The following TRHDE variants were observed in gnomAD, a reference collection of about 807,000 sequenced individuals.
TRHDE encodes the protein thyrotropin-releasing hormone-degrading ectoenzyme.
Under a neutral mutation model 125.7 loss-of-function variants are expected in TRHDE, and 72 were observed. The ratio of observed to expected loss-of-function variants is 0.57; its 90% CI spans 0.47 to 0.70. TRHDE has a LOEUF of 0.70. Ranked by LOEUF, TRHDE falls within the 30% of genes least tolerant of loss-of-function variation. TRHDE has a pLI of 0.00. For missense variants in TRHDE, 1,110 were observed against 1,327.1 expected (o/e 0.84, Z 2.54); for synonymous variants, 509 against 509.1 (o/e 1.00, Z 0.00).
chr12:72,543,337 T>C (rs1313896023), intron 7 of TRHDE, among the ~76,000 whole-genome samples: 2 of 151,464 alleles, frequency 1.3e-5, no homozygotes, highest in African/African-American at 2.4e-5. Flanking sequence ...AAATAAATTT[T>C]TTGAAGAATA....
At chr12:72,474,456 A>G (rs1336104424) in intron 5 of TRHDE, among the ~76,000 whole-genome samples, 1 of 152,118 alleles carries the variant, frequency 6.6e-6, no homozygotes, top group Non-Finnish European at 1.5e-5. Flanking sequence ...GCCTCTGGCA[A>G]CCACCATTTT....
At chr12:72,629,604 G>A (rs769708455) in intron 15 of TRHDE, among the ~76,000 whole-genome samples, 11 of 151,630 alleles carry the variant, frequency 7.3e-5, no homozygotes, top group Non-Finnish European at 1.2e-4. Flanking sequence ...ATAATAATAA[G>A]CATTATTATT....
chr12:72,462,634 G>A (rs1327010413), intron 3 of TRHDE, among the ~76,000 whole-genome samples: 1 of 152,132 alleles, frequency 6.6e-6, no homozygotes, highest in African/African-American at 2.4e-5. Flanking sequence ...GAACAGTTAA[G>A]ATTAAAACTG....
intron 12 of TRHDE, among the ~76,000 whole-genome samples, chr12:72,616,181 T>A (rs968885975): frequency 1.3e-5 from 2 of 152,176 alleles, no homozygotes; most frequent in African/African-American, 4.8e-5. Flanking sequence ...TTAGAACTTT[T>A]ATCAGGTTTG....
chr12:72,501,173 A>G (rs959612048), intron 6 of TRHDE, among the ~76,000 whole-genome samples: 1 of 151,922 alleles, frequency 6.6e-6, no homozygotes, highest in Non-Finnish European at 1.5e-5. Context: ...TTTCATTTCT[A>G]ATTTTTGTCT....
intron 5 of TRHDE, among the ~76,000 whole-genome samples, chr12:72,483,456 T>C (rs1328424360): frequency 6.6e-6 from 1 of 152,032 alleles, no homozygotes; most frequent in Non-Finnish European, 1.5e-5. Flanking sequence ...ATATTCTTAC[T>C]ATCATTTTTA....
At chr12:72,615,964 AG>A (rs944036426) in intron 12 of TRHDE, among the ~76,000 whole-genome samples, 13 of 152,256 alleles carry the variant, frequency 8.5e-5, no homozygotes, top group African/African-American at 3.1e-4. Flanking sequence ...CCAGGCAGAG[AG>A]GCACATTCAT....
chr12:72,382,822 C>T (rs531803461), intron 3 of TRHDE, among the ~76,000 whole-genome samples: 3 of 152,270 alleles, frequency 2.0e-5, no homozygotes, highest in Non-Finnish European at 4.4e-5. Context: ...TTCTTTCTCC[C>T]TGAATTCTTT....
chr12:72,504,305 A>AT (rs748855139), intron 6 of TRHDE, among the ~76,000 whole-genome samples: 2,571 of 141,612 alleles, frequency 0.018, 55 homozygotes, highest in African/African-American at 0.05. Flanking sequence ...CACTAAGAAA[A>AT]TTTTTTTTTT....
intron 12 of TRHDE, among the ~76,000 whole-genome samples, chr12:72,612,447 A>G (rs962842311): frequency 2.0e-5 from 3 of 152,188 alleles, no homozygotes; most frequent in Non-Finnish European, 4.4e-5. Context: ...CCTAATTCAG[A>G]GAGGTATTTT....
chr12:72,273,599 C>G lies in TRHDE; in HGVS notation c.914+42C>G. On this transcript the variant is annotated intron_variant, in intron 1 of 18. Coordinates refer to ENST00000261180, the MANE Select transcript of TRHDE (RefSeq NM_013381.3). The surrounding 1 kb of genome is among the most constrained non-coding windows in gnomAD (Gnocchi z 5.3). The stretch of plus-strand genomic sequence containing the variant: ...TGCCCCGCGCTGCCCCACCCCGGCG[C>G]GCGGCTCGAACCTCTGGGCGGCCTG... 1 of 1,534,848 alleles carries G rather than the reference C, an allele frequency of 6.5e-7. No homozygotes were observed. Among genetic ancestry groups the G allele is most frequent in the Non-Finnish European group, 8.8e-7 (1 of 1,140,178 alleles).
chr12:72,203,139 G>C (rs931393332), intron 2 of TRHDE, among the ~76,000 whole-genome samples: 2 of 152,172 alleles, frequency 1.3e-5, no homozygotes, highest in African/African-American at 4.8e-5. Context: ...AAGAGAAAGA[G>C]AGATAGAGAG....
chr12:72,128,111 A>G (rs1430991120), intron 2 of TRHDE, among the ~76,000 whole-genome samples: 1 of 152,170 alleles, frequency 6.6e-6, no homozygotes, highest in Non-Finnish European at 1.5e-5. Flanking sequence ...CTGAGACCAG[A>G]GAAAGAATGT....
At chr12:72,307,462 G>A (rs965950835) in intron 2 of TRHDE, among the ~76,000 whole-genome samples, 1 of 151,666 alleles carries the variant, frequency 6.6e-6, no homozygotes, top group Admixed American at 6.6e-5. Context: ...GAGCCACCAC[G>A]CCTGGCCAGA....
intron 6 of TRHDE, among the ~76,000 whole-genome samples, chr12:72,539,645 G>T (rs1256535612): frequency 6.6e-6 from 1 of 151,818 alleles, no homozygotes; most frequent in East Asian, 1.9e-4. Context: ...GAAAATTTAG[G>T]TGGGAACTTA....
At chr12:72,162,125 G>C (rs778977020) in intron 2 of TRHDE, among the ~76,000 whole-genome samples, 1 of 152,178 alleles carries the variant, frequency 6.6e-6, no homozygotes, top group Non-Finnish European at 1.5e-5. Flanking sequence ...GATTTTTGAA[G>C]TGTTTCTGAT....
intron 12 of TRHDE, among the ~76,000 whole-genome samples, chr12:72,580,277 A>G (rs988350976): frequency 6.6e-6 from 1 of 152,196 alleles, no homozygotes; most frequent in Non-Finnish European, 1.5e-5. Flanking sequence ...GAAAAGGTAT[A>G]TGCTGCTTTA....
chr12:72,475,190 C>T (rs142109184), intron 5 of TRHDE, among the ~76,000 whole-genome samples: 184 of 152,202 alleles, frequency 1.2e-3, no homozygotes, highest in African/African-American at 2.6e-3. Context: ...TAAATGTTTA[C>T]GGTAACTGAA....
intron 9 of TRHDE, among the ~76,000 whole-genome samples, chr12:72,564,653 A>ATTTTTCTTTT (rs1870345969): frequency 1.8e-5 from 1 of 54,276 alleles, no homozygotes; most frequent in Non-Finnish European, 3.3e-5. Context: ...ATGCGTATGA[A>ATTTTTCTTTT]TTTTTTTTTT....
Sources: allele counts gnomAD v4.1 joint callset (sites outside exome capture counted in the v4.1 genomes callset), GRCh38; gene constraint gnomAD v4.1.1; non-coding constraint Gnocchi (gnomAD v3.1); transcripts MANE v1.5; gene names NCBI Gene and HGNC (gene_info 2026-07-23, HGNC 2026-07-21).